NR2F1-AS1: variants seen among roughly 807,000 people sequenced by gnomAD.
NR2F1-AS1 encodes the protein NR2F1 antisense RNA 1.
At chr5:93,458,970 C>T (rs565370659) in intron 4 of NR2F1-AS1, among the ~76,000 whole-genome samples, 10 of 152,044 alleles carry the variant, frequency 6.6e-5, no homozygotes, top group Non-Finnish European at 1.5e-4. Context: ...CGAGATCACA[C>T]CATTGCACTC....
chr5:93,486,183 C>G (rs1260059772), intron 4 of NR2F1-AS1, among the ~76,000 whole-genome samples: 5 of 146,434 alleles, frequency 3.4e-5, no homozygotes, highest in African/African-American at 5.1e-5. Flanking sequence ...TTAGTGGGTG[C>G]AGCGCACCAG....
In NR2F1-AS1 at chr5:93,467,366, T is replaced by C. The variant is rs148581303; in HGVS notation, n.639-71824A>G. On this transcript the variant is annotated intron_variant and non_coding_transcript_variant, in intron 4 of 5. Transcript: ENST00000660523. ...AGAGAAGACTTGTATCATTGAACTA[T>C]GCCATTCACTCTTCAATTTTCCAAG... Among the ~76,000 whole-genome samples, 1,318 of 152,274 alleles carry C rather than the reference T, an allele frequency of 8.7e-3. 32 individuals are homozygous for C. Among genetic ancestry groups the C allele is most frequent in the Non-Finnish European group, 6.3e-3 (427 of 68,030 alleles).
intron 4 of NR2F1-AS1, among the ~76,000 whole-genome samples, chr5:93,508,536 T>C (rs1751232951): frequency 6.6e-6 from 1 of 152,030 alleles, no homozygotes; most frequent in African/African-American, 2.4e-5. Context: ...AAATTAACCA[T>C]ATGACATCAA....
intron 4 of NR2F1-AS1, among the ~76,000 whole-genome samples, chr5:93,535,961 A>G (rs1751829097): frequency 1.3e-5 from 2 of 152,140 alleles, no homozygotes; most frequent in South Asian, 2.1e-4. Flanking sequence ...GAGCAATTAG[A>G]CAAGAGAAAG....
intron 4 of NR2F1-AS1, among the ~76,000 whole-genome samples, chr5:93,539,045 G>A (rs962181485): frequency 6.6e-5 from 10 of 152,208 alleles, no homozygotes; most frequent in Non-Finnish European, 1.3e-4. Context: ...TTGGGAGGCC[G>A]AGGCAGGCGG....
intron 4 of NR2F1-AS1, among the ~76,000 whole-genome samples, chr5:93,507,190 A>T (rs994032803): frequency 2.6e-5 from 4 of 152,200 alleles, no homozygotes; most frequent in Admixed American, 2.6e-4. Context: ...ATACAAGAAA[A>T]TTCTCTTAAC....
At position 93,552,374 on chromosome 5, in the gene NR2F1-AS1, C is replaced by T. The variant is rs149978621; in HGVS notation, n.638+1387G>A. Among the ~76,000 whole-genome samples the T allele has an allele frequency of 1.6e-3, 251 of 152,200 alleles. 1 individual carries two copies. The highest frequency in any genetic ancestry group is 5.7e-3 in the African/African-American group (238 of 41,536). On this transcript the variant is annotated intron_variant and non_coding_transcript_variant, in intron 4 of 5. Transcript: ENST00000660523. ...TGAATGAAGCCAAAAGTGCAAAATACCTTATCATGGTAGGATAAATACAAG... is the reference window on the plus strand; with the variant it reads ...TGAATGAAGCCAAAAGTGCAAAATATCTTATCATGGTAGGATAAATACAAG...
chr5:93,526,799 C>T (rs1418708962), intron 4 of NR2F1-AS1, among the ~76,000 whole-genome samples: 1 of 152,120 alleles, frequency 6.6e-6, no homozygotes, highest in Non-Finnish European at 1.5e-5. Flanking sequence ...TTTAACACCC[C>T]TTCACGCTAA....
intron 1 of NR2F1-AS1, among the ~76,000 whole-genome samples, chr5:93,572,422 G>A (rs1385080800): frequency 6.6e-6 from 1 of 152,214 alleles, no homozygotes; most frequent in African/African-American, 2.4e-5. Context: ...AGAGCCCAGG[G>A]AGAAGCGACA....
intron 4 of NR2F1-AS1, among the ~76,000 whole-genome samples, chr5:93,416,012 C>T (rs985008144): frequency 7.2e-5 from 11 of 152,186 alleles, no homozygotes; most frequent in Non-Finnish European, 1.5e-4. Context: ...TCAGTCTGCT[C>T]TGTTGAAGTG....
chr5:93,504,312 A>G (rs1580283536), intron 4 of NR2F1-AS1, among the ~76,000 whole-genome samples: 1 of 152,340 alleles, frequency 6.6e-6, no homozygotes, highest in Non-Finnish European at 1.5e-5. Context: ...AAATTTGACT[A>G]AAGAAGAATA....
chr5:93,481,261 T>G (rs1321988182), intron 4 of NR2F1-AS1, among the ~76,000 whole-genome samples: 2 of 151,978 alleles, frequency 1.3e-5, no homozygotes, highest in Non-Finnish European at 2.9e-5. Context: ...CAAAAACTAT[T>G]GCAAAAGACA....
chr5:93,517,646 T>G (rs754800083), intron 4 of NR2F1-AS1, among the ~76,000 whole-genome samples: 1 of 152,076 alleles, frequency 6.6e-6, no homozygotes, highest in Non-Finnish European at 1.5e-5. Context: ...TTTAAAAGAA[T>G]GAAGTAGGTA....
chr5:93,551,247 C>G (rs1243753466), intron 4 of NR2F1-AS1, among the ~76,000 whole-genome samples: 3 of 152,036 alleles, frequency 2.0e-5, no homozygotes, highest in African/African-American at 7.2e-5. Context: ...GCCACTCATT[C>G]TAACTCAGTA....
At chr5:93,437,830 C>T (rs993936610) in intron 4 of NR2F1-AS1, among the ~76,000 whole-genome samples, 2 of 152,158 alleles carry the variant, frequency 1.3e-5, no homozygotes, top group Non-Finnish European at 2.9e-5. Context: ...TCTATAAACA[C>T]TATACCAAAT....
chr5:93,426,148 AG>A (rs1287753416), intron 4 of NR2F1-AS1, among the ~76,000 whole-genome samples: 8 of 151,976 alleles, frequency 5.3e-5, no homozygotes, highest in Admixed American at 4.6e-4. Flanking sequence ...CCCAGGTTCA[AG>A]GTATTCTTGT....
intron 4 of NR2F1-AS1, among the ~76,000 whole-genome samples, chr5:93,442,665 C>T (rs1279791892): frequency 6.6e-6 from 1 of 152,220 alleles, no homozygotes; most frequent in African/African-American, 2.4e-5. Context: ...ACTTAAACGT[C>T]CCTGTCTGAC....
intron 4 of NR2F1-AS1, among the ~76,000 whole-genome samples, chr5:93,494,669 T>C (rs1006152488): frequency 1.3e-5 from 2 of 152,146 alleles, no homozygotes; most frequent in African/African-American, 2.4e-5. Context: ...GGTAACTTCC[T>C]GGTAGGCACG....
upstream of NR2F1-AS1, chr5:93,585,400 G>A (rs1753212726): frequency 6.2e-7 from 1 of 1,614,134 alleles, no homozygotes; most frequent in Non-Finnish European, 8.5e-7. Context: ...CGTGCCAACA[G>A]GAACTGTCCC....
Sources: gnomAD v4.1 joint callset for allele counts (sites outside exome capture counted in the v4.1 genomes callset) on GRCh38, gnomAD v4.1.1 for gene constraint, MANE v1.5 for transcripts, NCBI Gene and HGNC (gene_info 2026-07-23, HGNC 2026-07-21) for gene names.